OTUD7A: variants seen among roughly 807,000 people sequenced by gnomAD.
OTUD7A encodes the protein OTU deubiquitinase 7A, also known as OTU domain-containing protein 7A.
In OTUD7A, 12 loss-of-function variants were observed where a neutral mutation model predicts 65.7. The observed-to-expected ratio is 0.18, with a 90% CI of 0.12 to 0.30. The LOEUF (loss-of-function observed/expected upper bound fraction) is 0.30. OTUD7A is among the 10% of genes least tolerant of loss of function. OTUD7A has a pLI of 1.00. For missense variants in OTUD7A, 1,148 were observed against 1,304.8 expected, an observed-to-expected ratio of 0.88 and a Z score of 1.85; for synonymous variants, 641 against 586.3, an observed-to-expected ratio of 1.09 and a Z score of -1.35.
intron 1 of OTUD7A, among the ~76,000 whole-genome samples, chr15:31,694,469 AC>A (rs529836388): frequency 0.014 from 2,080 of 152,110 alleles, 53 homozygotes; most frequent in African/African-American, 0.048. Flanking sequence ...ACACCAGTTT[AC>A]TTTATTATTA....
chr15:31,724,517 A>G (rs1256767474), intron 1 of OTUD7A, among the ~76,000 whole-genome samples: 1 of 152,240 alleles, frequency 6.6e-6, no homozygotes, highest in Non-Finnish European at 1.5e-5. Context: ...CACATTTATC[A>G]TACACAATAT....
intron 1 of OTUD7A, among the ~76,000 whole-genome samples, chr15:31,861,061 T>C (rs1595821558): frequency 1.3e-5 from 2 of 151,984 alleles, no homozygotes; most frequent in South Asian, 2.1e-4. Flanking sequence ...TTCCTACCTG[T>C]TCTCTCACAG....
chr15:31,571,771 T>G (rs569093081), intron 3 of OTUD7A, among the ~76,000 whole-genome samples: 8 of 152,304 alleles, frequency 5.3e-5, no homozygotes, highest in South Asian at 2.1e-4. Context: ...GAGCTGAGAT[T>G]CAAATACACG....
intron 1 of OTUD7A, among the ~76,000 whole-genome samples, chr15:31,870,280 C>T (rs955762855): frequency 6.1e-5 from 9 of 147,868 alleles, no homozygotes; most frequent in African/African-American, 2.2e-4. Flanking sequence ...CCCGCGGGGT[C>T]CGGAGCGGAG....
At chr15:31,837,123 A>C (rs1897072760) in intron 1 of OTUD7A, among the ~76,000 whole-genome samples, 1 of 152,208 alleles carries the variant, frequency 6.6e-6, no homozygotes, top group Admixed American at 6.5e-5. Flanking sequence ...GTACTAGACA[A>C]ATTCAGCAAG....
At chr15:31,560,263 G>A (rs2141159758) in intron 4 of OTUD7A, among the ~76,000 whole-genome samples, 1 of 152,334 alleles carries the variant, frequency 6.6e-6, no homozygotes, top group African/African-American at 2.4e-5. Context: ...GCCCTCCCAG[G>A]ACACACAATA....
chr15:31,685,213 C>T (rs56349434), intron 1 of OTUD7A, among the ~76,000 whole-genome samples: 17,799 of 152,240 alleles, frequency 0.12, 1,449 homozygotes, highest in East Asian at 0.43. Flanking sequence ...TGAGATTAGC[C>T]TGCAGAATTG....
chr15:31,660,725 A>G (rs1225790978), intron 1 of OTUD7A, among the ~76,000 whole-genome samples: 1 of 152,256 alleles, frequency 6.6e-6, no homozygotes, highest in Non-Finnish European at 1.5e-5. Flanking sequence ...ACAGCGACAG[A>G]TAGGGCTGTG....
At chr15:31,690,858 G>A (rs1316499058) in intron 1 of OTUD7A, among the ~76,000 whole-genome samples, 1 of 152,200 alleles carries the variant, frequency 6.6e-6, no homozygotes, top group Non-Finnish European at 1.5e-5. Flanking sequence ...AAAGCTTTAT[G>A]AAACTGGATT....
rs528610788 is a variant in OTUD7A, at chr15:31,497,591, A to G, written c.1171+4099T>C. 1.8e-4 allele frequency among the ~76,000 whole-genome samples: 28 copies of G among 152,278 alleles called. No homozygotes were observed. The East Asian group carries it at 5.0e-3, about 27-fold the overall frequency. ...TAAGAAAAGAATAGCCACAGATGGCATTGACACCTTCCATGAAACAAAGCA... is the reference window on the plus strand; with the variant it reads ...TAAGAAAAGAATAGCCACAGATGGCGTTGACACCTTCCATGAAACAAAGCA... On this transcript the variant is annotated intron_variant, in intron 10 of 12. Coordinates refer to ENST00000307050, the MANE Select transcript of OTUD7A (RefSeq NM_001382637.1).
At chr15:31,572,985 A>T (rs1165682165) in intron 3 of OTUD7A, among the ~76,000 whole-genome samples, 1 of 152,202 alleles carries the variant, frequency 6.6e-6, no homozygotes, top group Non-Finnish European at 1.5e-5. Context: ...ACTTTAATTA[A>T]AAAAGCAAAC....
At chr15:31,521,817 G>A (rs541553553) in intron 8 of OTUD7A, among the ~76,000 whole-genome samples, 3 of 152,312 alleles carry the variant, frequency 2.0e-5, no homozygotes, top group African/African-American at 2.4e-5. Flanking sequence ...AGATGCCCCC[G>A]GGGGCTGCCA....
At chr15:31,772,179 G>C (rs1895254497) in intron 1 of OTUD7A, among the ~76,000 whole-genome samples, 1 of 149,482 alleles carries the variant, frequency 6.7e-6, no homozygotes, top group African/African-American at 2.5e-5. Context: ...GTGAACCCGG[G>C]AGGCGGAGCT....
intron 1 of OTUD7A, among the ~76,000 whole-genome samples, chr15:31,842,766 C>T (rs1038932637): frequency 5.1e-4 from 78 of 152,238 alleles, no homozygotes; most frequent in Middle Eastern, 3.4e-3. Flanking sequence ...TCGCTGCCTC[C>T]CTATTTAAAG....
At chr15:31,845,990 C>T (rs1174388669) in intron 1 of OTUD7A, among the ~76,000 whole-genome samples, 1 of 152,214 alleles carries the variant, frequency 6.6e-6, no homozygotes, top group Non-Finnish European at 1.5e-5. Flanking sequence ...GCCAGGGACT[C>T]AGCTGTTCCA....
chr15:31,589,463 GT>G (rs58276599), intron 3 of OTUD7A, among the ~76,000 whole-genome samples: 53 of 116,308 alleles, frequency 4.6e-4, no homozygotes, highest in East Asian at 9.7e-4. Context: ...TCCTGGGCTT[GT>G]TTTTTTTTTT....
At chr15:31,611,765 T>C (rs898576675) in intron 3 of OTUD7A, among the ~76,000 whole-genome samples, 9 of 151,952 alleles carry the variant, frequency 5.9e-5, no homozygotes, top group Non-Finnish European at 1.0e-4. Flanking sequence ...TTCCACAAGA[T>C]AGAGAAAGAA....
intron 3 of OTUD7A, among the ~76,000 whole-genome samples, chr15:31,627,595 GGTAT>G (rs1891001128): frequency 6.6e-6 from 1 of 151,990 alleles, no homozygotes; most frequent in Non-Finnish European, 1.5e-5. Flanking sequence ...TAATCCTTTG[GGTAT>G]GTACCCAGTA....
intron 1 of OTUD7A, among the ~76,000 whole-genome samples, chr15:31,825,937 T>C (rs1244206226): frequency 6.6e-6 from 1 of 152,228 alleles, no homozygotes; most frequent in Admixed American, 6.5e-5. Flanking sequence ...GTTATGATGA[T>C]GCTAGAGGGG....
Sources: allele counts gnomAD v4.1 joint callset (sites outside exome capture counted in the v4.1 genomes callset), GRCh38; gene constraint gnomAD v4.1.1; transcripts MANE v1.5; gene names NCBI Gene and HGNC (gene_info 2026-07-23, HGNC 2026-07-21).